The following SEMA3A variants were observed in gnomAD, a reference collection of about 807,000 sequenced individuals.
The protein encoded by SEMA3A is semaphorin-3A.
SEMA3A carries 29 observed loss-of-function variants against 97.9 expected under a neutral mutation model. That is an observed-to-expected ratio of 0.30 (90% confidence interval 0.22 to 0.40). SEMA3A has a LOEUF of 0.40. Ranked by LOEUF, SEMA3A falls within the 10% of genes least tolerant of loss-of-function variation. SEMA3A has a pLI of 1.00. For synonymous variants in SEMA3A, 321 were observed against 323.7 expected, an observed-to-expected ratio of 0.99 and a Z score of 0.09; for missense variants, 763 against 951.3, an observed-to-expected ratio of 0.80 and a Z score of 2.60.
rs548211765 is a variant in SEMA3A, at chr7:84,424,871, AAT to A, written c.-245-52973_-245-52972del. Among the ~76,000 whole-genome samples the A allele has an allele frequency of 1.3e-3, 98 of 75,182 alleles. 1 individual carries two copies. The highest frequency in any genetic ancestry group is 5.3e-3 in the African/African-American group (95 of 17,920). 49.3% of individuals were successfully genotyped at this position (75,182 alleles called of 152,430 possible). A position where few individuals can be genotyped will look rare whatever the true frequency, so the allele number is the denominator to read the frequency against. ...TATATAAATAATTTATATAAATATAAATATATAATATTATATATAAATAATTT... is the reference window on the plus strand; with the variant it reads ...TATATAAATAATTTATATAAATATAAATATAATATTATATATAAATAATTT... On this transcript the variant is annotated intron_variant, in intron 1 of 3. Transcript: ENST00000424555.
At chr7:84,467,958 G>A (rs1246046634) in intron 1 of SEMA3A, among the ~76,000 whole-genome samples, 1 of 152,144 alleles carries the variant, frequency 6.6e-6, no homozygotes, top group Admixed American at 6.5e-5. Context: ...CCAAGGCAGA[G>A]ACTGTTTTTA....
At chr7:84,485,319 G>A (rs1806548134) in intron 1 of SEMA3A, among the ~76,000 whole-genome samples, 1 of 151,618 alleles carries the variant, frequency 6.6e-6, no homozygotes, top group African/African-American at 2.4e-5. Context: ...AAGTTTTTTG[G>A]TACTATTTCA....
intron 1 of SEMA3A, among the ~76,000 whole-genome samples, chr7:84,180,039 C>T (rs1017190794): frequency 4.0e-5 from 6 of 149,270 alleles, no homozygotes; most frequent in East Asian, 2.0e-4. Flanking sequence ...CTCCACCTCC[C>T]GGGTTCAAGC....
chr7:84,487,155 A>G (rs1806594376), intron 1 of SEMA3A, among the ~76,000 whole-genome samples: 1 of 152,146 alleles, frequency 6.6e-6, no homozygotes, highest in African/African-American at 2.4e-5. Context: ...CCTCAAATGA[A>G]AAGAAATATT....
intron 3 of SEMA3A, among the ~76,000 whole-genome samples, chr7:84,285,880 A>T (rs1352381393): frequency 6.7e-6 from 1 of 149,904 alleles, no homozygotes; most frequent in African/African-American, 2.5e-5. Flanking sequence ...TCCAGGCTGC[A>T]GTGAGACATG....
At chr7:84,150,975 G>A (rs540867668) in intron 1 of SEMA3A, among the ~76,000 whole-genome samples, 41 of 149,050 alleles carry the variant, frequency 2.8e-4, no homozygotes, top group East Asian at 2.6e-3. Context: ...CCCCAGCAGG[G>A]GCACACTGAC....
intron 3 of SEMA3A, among the ~76,000 whole-genome samples, chr7:84,284,518 G>A (rs975091040): frequency 2.0e-5 from 3 of 152,108 alleles, no homozygotes; most frequent in African/African-American, 7.2e-5. Context: ...GATCAGACAA[G>A]GCTAGGGAGA....
intron 4 of SEMA3A, among the ~76,000 whole-genome samples, chr7:84,102,588 C>CTT (rs3074757): frequency 0.015 from 1,407 of 96,778 alleles, 38 homozygotes; most frequent in African/African-American, 0.037. Context: ...TGCATTATCG[C>CTT]TTTTTTTTTT....
chr7:84,260,669 C>T (rs1799829235), intron 3 of SEMA3A, among the ~76,000 whole-genome samples: 1 of 152,114 alleles, frequency 6.6e-6, no homozygotes, highest in Admixed American at 6.5e-5. Flanking sequence ...ACATGCTAGC[C>T]CCTGCTGCCT....
intron 6 of SEMA3A, among the ~76,000 whole-genome samples, chr7:84,016,198 T>A (rs567822823): frequency 6.7e-6 from 1 of 148,870 alleles, no homozygotes; most frequent in East Asian, 2.0e-4. Flanking sequence ...ATTGGTAAAG[T>A]TAGGCTCCAG....
At chr7:84,073,342 A>G (rs1793813306) in intron 4 of SEMA3A, among the ~76,000 whole-genome samples, 1 of 152,052 alleles carries the variant, frequency 6.6e-6, no homozygotes. Flanking sequence ...GGGCAGAGGA[A>G]AGCAGGGAGA....
At position 84,109,704 on chromosome 7, in the gene SEMA3A, GTT is replaced by G. The variant is rs1795219442; in HGVS notation, c.453+764_453+765del. Among the ~76,000 whole-genome samples, 3 of 152,088 alleles carry G rather than the reference GTT, an allele frequency of 2.0e-5. No homozygotes were observed. In the South Asian group the frequency reaches 6.2e-4, roughly 31 times the overall value. On this transcript the variant is annotated intron_variant, in intron 4 of 16. Coordinates refer to ENST00000265362, the MANE Select transcript of SEMA3A (RefSeq NM_006080.3). ...ATTTGTTGAGTATTTCTGAATTCCA[GTT>G]TTGAAGAAAATTCTGTCACCAATGA... is the stretch of plus-strand genomic sequence containing the variant.
intron 4 of SEMA3A, among the ~76,000 whole-genome samples, chr7:84,063,089 C>G (rs1269466801): frequency 2.0e-5 from 3 of 151,986 alleles, no homozygotes; most frequent in Non-Finnish European, 2.9e-5. Flanking sequence ...GGCAGACTGC[C>G]TCCTCAAGTG....
At chr7:84,430,681 T>C (rs1804955538) in intron 1 of SEMA3A, among the ~76,000 whole-genome samples, 1 of 151,912 alleles carries the variant, frequency 6.6e-6, no homozygotes, top group African/African-American at 2.4e-5. Flanking sequence ...GGATGAATAT[T>C]TGGGAAACAG....
At chr7:84,321,870 C>A (rs866340758) in intron 2 of SEMA3A, among the ~76,000 whole-genome samples, 1 of 17,722 alleles carries the variant, frequency 5.6e-5, no homozygotes, top group Non-Finnish European at 1.1e-4. Flanking sequence ...AGCGAGACTA[C>A]GGAAAAAAAA....
intron 1 of SEMA3A, among the ~76,000 whole-genome samples, chr7:84,382,176 C>T (rs865783449): frequency 6.6e-6 from 1 of 152,044 alleles, no homozygotes; most frequent in Non-Finnish European, 1.5e-5. Flanking sequence ...GGCATGACCT[C>T]GGTTCACTGC....
chr7:84,260,020 A>AT (rs2115655143), intron 3 of SEMA3A, among the ~76,000 whole-genome samples: 1 of 152,158 alleles, frequency 6.6e-6, no homozygotes, highest in Admixed American at 6.5e-5. Flanking sequence ...TTTCAAAGAC[A>AT]TTTTCTCATA....
At chr7:84,381,717 T>G (rs972309383) in intron 1 of SEMA3A, among the ~76,000 whole-genome samples, 1 of 152,144 alleles carries the variant, frequency 6.6e-6, no homozygotes, top group African/African-American at 2.4e-5. Flanking sequence ...CTAGTCTTTT[T>G]TGTCCAAGCC....
chr7:84,061,773 C>T (rs1321891033), intron 4 of SEMA3A, among the ~76,000 whole-genome samples: 1 of 152,104 alleles, frequency 6.6e-6, no homozygotes, highest in Non-Finnish European at 1.5e-5. Context: ...TCCAAGTGTT[C>T]TGTTTTTACT....
Sources: gnomAD v4.1 joint callset for allele counts (sites outside exome capture counted in the v4.1 genomes callset) on GRCh38, gnomAD v4.1.1 for gene constraint, MANE v1.5 for transcripts, NCBI Gene and HGNC (gene_info 2026-07-23, HGNC 2026-07-21) for gene names.